The following TBC1D5 variants were observed in gnomAD, a reference collection of about 807,000 sequenced individuals.
TBC1D5 encodes the protein TBC1 domain family, member 5.
In TBC1D5, 75 loss-of-function variants were observed where a neutral mutation model predicts 100.3. That is an observed-to-expected ratio of 0.75 (90% CI 0.62 to 0.91). The LOEUF is 0.91. Among genes scored for constraint, TBC1D5 ranks in the 40% least tolerant of loss-of-function variants. TBC1D5 has a pLI of 0.00. For missense variants in TBC1D5, 910 were observed against 942.4 expected, an observed-to-expected ratio of 0.97 and a Z score of 0.45; for synonymous variants, 323 against 325.6, an observed-to-expected ratio of 0.99 and a Z score of 0.09.
intron 17 of TBC1D5, among the ~76,000 whole-genome samples, chr3:17,224,034 A>C (rs931001644): frequency 6.6e-6 from 1 of 152,258 alleles, no homozygotes; most frequent in African/African-American, 2.4e-5. Context: ...AATGACAAAA[A>C]AAGTTTTGGA....
chr3:17,350,552 A>G (rs2090446760), intron 13 of TBC1D5, among the ~76,000 whole-genome samples: 2 of 152,324 alleles, frequency 1.3e-5, no homozygotes, highest in South Asian at 4.1e-4. Flanking sequence ...TTTTACAATC[A>G]TGTGCTAACG....
intron 1 of TBC1D5, among the ~76,000 whole-genome samples, chr3:17,731,640 G>C (rs2076567805): frequency 6.6e-6 from 1 of 152,050 alleles, no homozygotes; most frequent in Non-Finnish European, 1.5e-5. Flanking sequence ...ACACCAGTCA[G>C]AAGACCTTAC....
exon 22 of TBC1D5, chr3:17,158,312 A>T (rs1318481755): frequency 6.6e-6 from 1 of 152,208 alleles, no homozygotes; most frequent in Non-Finnish European, 1.5e-5. Context: ...ATCAAAACGT[A>T]AGAAGGGTTC....
exon 22 of TBC1D5, chr3:17,157,352 T>C (rs1343510677): frequency 6.6e-6 from 1 of 152,276 alleles, no homozygotes; most frequent in Non-Finnish European, 1.5e-5. Flanking sequence ...AAAACTACTA[T>C]GACAGCTTTT....
chr3:17,310,019 A>C (rs2083835477), intron 13 of TBC1D5, among the ~76,000 whole-genome samples: 1 of 152,130 alleles, frequency 6.6e-6, no homozygotes, highest in Admixed American at 6.6e-5. Context: ...TTACAGCTCA[A>C]ATCCTTGCCA....
intron 1 of TBC1D5, among the ~76,000 whole-genome samples, chr3:17,738,971 C>T (rs2077180837): frequency 6.6e-6 from 1 of 152,186 alleles, no homozygotes; most frequent in Non-Finnish European, 1.5e-5. Context: ...AAAGCATTTA[C>T]ACTGAGATTT....
At chr3:17,369,555 G>C (rs2092356807) in intron 13 of TBC1D5, among the ~76,000 whole-genome samples, 2 of 152,156 alleles carry the variant, frequency 1.3e-5, no homozygotes, top group South Asian at 4.2e-4. Context: ...TTGCTATGTT[G>C]CCCAGGATGG....
At chr3:17,242,362 ATATT>A (rs1403271085) in intron 16 of TBC1D5, among the ~76,000 whole-genome samples, 1 of 152,050 alleles carries the variant, frequency 6.6e-6, no homozygotes, top group Non-Finnish European at 1.5e-5. Context: ...TAAATATGTA[ATATT>A]TATTTCACTT....
chr3:17,475,185 C>CCG (rs2095424165), intron 3 of TBC1D5, among the ~76,000 whole-genome samples: 2 of 148,484 alleles, frequency 1.3e-5, no homozygotes, highest in African/African-American at 5.1e-5. Context: ...CCCCGCCCCA[C>CCG]CCGTTTATAT....
At chr3:17,180,966 C>T (rs960201935) in intron 19 of TBC1D5, among the ~76,000 whole-genome samples, 1 of 151,172 alleles carries the variant, frequency 6.6e-6, no homozygotes, top group African/African-American at 2.4e-5. Flanking sequence ...ATGGAGTTCT[C>T]TCGATATGAA....
intron 13 of TBC1D5, among the ~76,000 whole-genome samples, chr3:17,343,302 T>A (rs1040254609): frequency 2.0e-5 from 3 of 151,408 alleles, no homozygotes; most frequent in Non-Finnish European, 4.4e-5. Context: ...CAGCCTTGCA[T>A]CCCAGGGATG....
intron 3 of TBC1D5, among the ~76,000 whole-genome samples, chr3:17,499,776 G>T (rs1432542215): frequency 6.8e-6 from 1 of 147,904 alleles, no homozygotes; most frequent in Non-Finnish European, 1.5e-5. Flanking sequence ...ATAATTTTTT[G>T]ATAAAAGCTC....
intron 13 of TBC1D5, among the ~76,000 whole-genome samples, chr3:17,326,400 A>C (rs905939305): frequency 1.3e-4 from 20 of 152,228 alleles, no homozygotes; most frequent in African/African-American, 4.8e-4. Context: ...GCATTTAGTC[A>C]GATGAAAAGA....
chr3:17,705,578 G>C (rs1382432513), intron 1 of TBC1D5, among the ~76,000 whole-genome samples: 1 of 138,786 alleles, frequency 7.2e-6, no homozygotes, highest in African/African-American at 2.6e-5. Flanking sequence ...CGGGGTCTCG[G>C]CCGGGCAGAG....
chr3:17,560,217 C>T (rs1293412086), intron 2 of TBC1D5, among the ~76,000 whole-genome samples: 6 of 152,146 alleles, frequency 3.9e-5, no homozygotes, highest in Non-Finnish European at 7.3e-5. Flanking sequence ...CGACAAAATC[C>T]AGACTACAAG....
chr3:17,493,343 C>T (rs1387240740), intron 3 of TBC1D5, among the ~76,000 whole-genome samples: 4 of 151,820 alleles, frequency 2.6e-5, no homozygotes, highest in African/African-American at 9.7e-5. Context: ...TGTAGGTGAC[C>T]TGGCCTTTCT....
chr3:17,481,269 C>A (rs1007741455), intron 3 of TBC1D5, among the ~76,000 whole-genome samples: 1 of 152,242 alleles, frequency 6.6e-6, no homozygotes, highest in African/African-American at 2.4e-5. Flanking sequence ...CGTGCAGTGG[C>A]CAGAACCCAT....
At chr3:17,473,310 G>T (rs1439470699) in intron 3 of TBC1D5, among the ~76,000 whole-genome samples, 2 of 152,044 alleles carry the variant, frequency 1.3e-5, no homozygotes, top group African/African-American at 4.8e-5. Flanking sequence ...TTTAATAAAA[G>T]AATAATTATC....
At chr3:17,404,989 GT>G in intron 5 of TBC1D5, 28 bp from the exon 6 acceptor site, 1 of 1,443,194 alleles carries the variant, frequency 6.9e-7, no homozygotes, top group Non-Finnish European at 9.5e-7. Flanking sequence ...AGAAACTTTT[GT>G]AAAAATCTTA....
Sources: allele counts gnomAD v4.1 joint callset (sites outside exome capture counted in the v4.1 genomes callset), GRCh38; gene constraint gnomAD v4.1.1; transcripts MANE v1.5; gene names NCBI Gene and HGNC (gene_info 2026-07-23, HGNC 2026-07-21).